Variants in SLC1A2 observed in about 807,000 individuals in gnomAD.
SLC1A2 encodes the protein solute carrier family 1 member 2.
SLC1A2 carries 15 observed loss-of-function variants against 48.8 expected under a neutral mutation model. The observed-to-expected ratio is 0.31, with a 90% CI of 0.21 to 0.47. SLC1A2 has a LOEUF of 0.47. Among genes scored for constraint, SLC1A2 ranks in the 20% least tolerant of loss-of-function variants. The pLI, the probability that SLC1A2 is intolerant of heterozygous loss-of-function variation, is 0.99. For synonymous variants in SLC1A2, 279 were observed against 272.6 expected, an observed-to-expected ratio of 1.02 and a Z score of -0.23; for missense variants, 502 against 730.5, an observed-to-expected ratio of 0.69 and a Z score of 3.61.
chr11:35,400,009 C>T (rs1217536138), intron 1 of SLC1A2, among the ~76,000 whole-genome samples: 1 of 152,102 alleles, frequency 6.6e-6, no homozygotes, highest in Non-Finnish European at 1.5e-5. Context: ...AACCCCAGAG[C>T]CATTTGATAT....
At chr11:35,281,035 G>T in intron 8 of SLC1A2, 34 bp from the exon 9 acceptor site, 1 of 1,535,196 alleles carries the variant, frequency 6.5e-7, no homozygotes. Flanking sequence ...TCATGGAAAT[G>T]GAAAGAATCT....
At position 35,334,844 on chromosome 11, in the gene SLC1A2, GTTTTGTTTTGTTTTGT is replaced by G. The variant is rs1386402931; in HGVS notation, c.18-17344_18-17329del. ...GTTTTGTTTTGTTTTGTTTTGTTTTGTTTTGTTTTGTTTTGTTTTGTTTTGTTTTGCAACATCCCTT... is the reference window on the plus strand; with the variant it reads ...GTTTTGTTTTGTTTTGTTTTGTTTTGTTTGTTTTGTTTTGCAACATCCCTT... On this transcript the variant is annotated intron_variant, in intron 1 of 10. Coordinates refer to ENST00000278379, the MANE Select transcript of SLC1A2 (RefSeq NM_004171.4). 6.9e-3 allele frequency among the ~76,000 whole-genome samples: 961 copies of G among 138,550 alleles called. 9 individuals carry two copies. The highest frequency in any genetic ancestry group is 0.011 in the Middle Eastern group (3 of 278). 90.9% of individuals were successfully genotyped at this position (138,550 alleles called of 152,430 possible).
chr11:35,408,166 C>T (rs1855356276), intron 1 of SLC1A2, among the ~76,000 whole-genome samples: 1 of 152,210 alleles, frequency 6.6e-6, no homozygotes, highest in Non-Finnish European at 1.5e-5. Context: ...TGCACTTGGT[C>T]ACCAAGTCCT....
At chr11:35,401,214 A>G (rs1437641716) in intron 1 of SLC1A2, among the ~76,000 whole-genome samples, 2 of 152,206 alleles carry the variant, frequency 1.3e-5, no homozygotes, top group African/African-American at 4.8e-5. Flanking sequence ...TATCAGACTT[A>G]AAAATGTGTC....
At chr11:35,372,829 A>T (rs1291068744) in intron 1 of SLC1A2, among the ~76,000 whole-genome samples, 1 of 152,326 alleles carries the variant, frequency 6.6e-6, no homozygotes, top group East Asian at 1.9e-4. Flanking sequence ...TTCACCAGGA[A>T]CCATTCTAAG....
At chr11:35,344,842 T>C (rs1016014033) in intron 1 of SLC1A2, among the ~76,000 whole-genome samples, 2 of 152,192 alleles carry the variant, frequency 1.3e-5, no homozygotes, top group Non-Finnish European at 1.5e-5. Context: ...ACTCACCCTC[T>C]CTGTAACAGG....
intron 6 of SLC1A2, 136 bp downstream of exon 6, chr11:35,301,383 C>A (rs1166604162): frequency 2.7e-6 from 2 of 732,196 alleles, no homozygotes; most frequent in South Asian, 2.0e-5. Context: ...TATTTTCATC[C>A]CTTTCTCAAA....
At chr11:35,308,146 G>C (rs1225785998) in intron 4 of SLC1A2, among the ~76,000 whole-genome samples, 1 of 152,200 alleles carries the variant, frequency 6.6e-6, no homozygotes, top group Non-Finnish European at 1.5e-5. Context: ...ATGAATGGTG[G>C]CTGTCAGGAT....
chr11:35,372,929 G>A (rs1361659911), intron 1 of SLC1A2, among the ~76,000 whole-genome samples: 1 of 152,218 alleles, frequency 6.6e-6, no homozygotes, highest in Non-Finnish European at 1.5e-5. Flanking sequence ...TGGGGAAACT[G>A]AGGCACAGAG....
chr11:35,281,103 TC>T, intron 8 of SLC1A2, 102 bp from the exon 9 acceptor site: 1 of 1,423,452 alleles, frequency 7.0e-7, no homozygotes. Context: ...ATAAAATTCA[TC>T]CCCCAACCCC....
intron 1 of SLC1A2, among the ~76,000 whole-genome samples, chr11:35,386,581 C>T (rs1477253081): frequency 1.3e-5 from 2 of 152,070 alleles, no homozygotes; most frequent in Non-Finnish European, 2.9e-5. Context: ...TCAAAAAACC[C>T]ATCAGTTTAA....
intron 1 of SLC1A2, among the ~76,000 whole-genome samples, chr11:35,377,754 A>G (rs926840678): frequency 4.6e-5 from 7 of 152,228 alleles, no homozygotes; most frequent in African/African-American, 2.4e-5. Flanking sequence ...TGATTATTCC[A>G]TTGACTTTGC....
At chr11:35,361,669 G>C (rs535419108) in intron 1 of SLC1A2, among the ~76,000 whole-genome samples, 2 of 152,158 alleles carry the variant, frequency 1.3e-5, no homozygotes, top group South Asian at 2.1e-4. Flanking sequence ...TTAGTCTTAG[G>C]GTAGAAAGGA....
intron 9 of SLC1A2, among the ~76,000 whole-genome samples, chr11:35,267,782 A>G (rs1239914912): frequency 6.6e-6 from 1 of 152,208 alleles, no homozygotes; most frequent in African/African-American, 2.4e-5. Context: ...GGGAAAAAAA[A>G]AAAAGCTGAA....
intron 1 of SLC1A2, among the ~76,000 whole-genome samples, chr11:35,320,835 CAG>C (rs1852035773): frequency 6.6e-6 from 1 of 152,202 alleles, no homozygotes; most frequent in Non-Finnish European, 1.5e-5. Flanking sequence ...AACAAAAAGA[CAG>C]AGCCCTTGAT....
intron 1 of SLC1A2, among the ~76,000 whole-genome samples, chr11:35,409,188 C>G (rs966409200): frequency 1.3e-5 from 2 of 152,162 alleles, no homozygotes; most frequent in African/African-American, 4.8e-5. Context: ...TGGAATAGAA[C>G]AGAGAAATGT....
intron 10 of SLC1A2, 198 bp downstream of exon 10, chr11:35,265,329 C>T: frequency 1.8e-6 from 1 of 567,292 alleles, no homozygotes; most frequent in Non-Finnish European, 3.1e-6. Flanking sequence ...ACTCTTTCTC[C>T]ATCAGACTTG....
chr11:35,279,082 C>T (rs536655689), intron 9 of SLC1A2, among the ~76,000 whole-genome samples: 196 of 152,214 alleles, frequency 1.3e-3, no homozygotes, highest in Non-Finnish European at 2.5e-3. Flanking sequence ...AGAAAATTTG[C>T]TACTGGCAAG....
At chr11:35,352,634 T>G (rs1853306174) in intron 1 of SLC1A2, among the ~76,000 whole-genome samples, 2 of 152,200 alleles carry the variant, frequency 1.3e-5, no homozygotes, top group African/African-American at 4.8e-5. Flanking sequence ...CCTCCTGATA[T>G]TCTCACCCCT....
Sources: gnomAD v4.1 joint callset for allele counts (sites outside exome capture counted in the v4.1 genomes callset) on GRCh38, gnomAD v4.1.1 for gene constraint, MANE v1.5 for transcripts, NCBI Gene and HGNC (gene_info 2026-07-23, HGNC 2026-07-21) for gene names.